ABCA13: variants seen among roughly 807,000 people sequenced by gnomAD.
ABCA13 encodes the protein ATP binding cassette subfamily A member 13, also known as ATP-binding cassette sub-family A member 13.
In ABCA13, 476 loss-of-function variants were observed where a neutral mutation model predicts 478.7. That is an observed-to-expected ratio of 0.99 (90% confidence interval 0.92 to 1.07). ABCA13 has a LOEUF of 1.07. ABCA13 is among the 50% of genes least tolerant of loss of function. The probability of loss-of-function intolerance (pLI) is 0.00; values close to 1 mark genes in which losing one functional copy is unlikely to be tolerated. For synonymous variants in ABCA13, 2,252 were observed against 2,158.9 expected, an observed-to-expected ratio of 1.04 and a Z score of -1.20; for missense variants, 6,060 against 5,910.6, an observed-to-expected ratio of 1.03 and a Z score of -0.83.
intron 32 of ABCA13, among the ~76,000 whole-genome samples, chr7:48,370,788 C>T (rs1812512210): frequency 6.6e-6 from 1 of 151,942 alleles, no homozygotes; most frequent in Non-Finnish European, 1.5e-5. Context: ...TTTGAAAGAG[C>T]ACAAATAGAC....
chr7:48,348,552 G>A (rs550199384), intron 29 of ABCA13, among the ~76,000 whole-genome samples: 3 of 152,256 alleles, frequency 2.0e-5, no homozygotes, highest in East Asian at 3.9e-4. Flanking sequence ...TCAGTTTGAC[G>A]GTCTTAACTT....
chr7:48,372,515 TAAAAAA>T lies in ABCA13; in HGVS notation c.11133+31_11133+36del. Reference sequence around the variant, plus strand: ...CATTTCTGGTAAGTAAGTTGTTTTGTAAAAAAAAAAAAAAAAAACAACAAAATTGCA... The same window carrying T: ...CATTTCTGGTAAGTAAGTTGTTTTGTAAAAAAAAAAAACAACAAAATTGCA... On this transcript the variant is annotated intron_variant, in intron 33 of 61. Coordinates refer to ENST00000435803, the MANE Select transcript of ABCA13 (RefSeq NM_152701.5). 19 of 1,193,866 alleles carry T rather than the reference TAAAAAA, an allele frequency of 1.6e-5. No homozygotes were observed. Among genetic ancestry groups the T allele is most frequent in the Non-Finnish European group, 1.9e-5 (17 of 896,376 alleles). The allele number at this position is 1,193,866 out of a possible 1,614,324, so 74.0% of individuals were successfully genotyped here. A position where few individuals can be genotyped will look rare whatever the true frequency, so the allele number is the denominator to read the frequency against.
chr7:48,466,869 A>T, intron 43 of ABCA13, 87 bp from the exon 44 acceptor site: 2 of 1,271,186 alleles, frequency 1.6e-6, no homozygotes, highest in Non-Finnish European at 2.3e-6. Flanking sequence ...CTAGGGCACA[A>T]TGTGAGGTCA....
At chr7:48,629,044 G>A (rs1485023909) in intron 59 of ABCA13, among the ~76,000 whole-genome samples, 1 of 152,186 alleles carries the variant, frequency 6.6e-6, no homozygotes, top group Non-Finnish European at 1.5e-5. Flanking sequence ...AAAACAGTCT[G>A]CATTATTCAT....
chr7:48,580,310 C>G lies in ABCA13; in HGVS notation c.14441C>G (p.Thr4814Ser). 1 of 1,613,056 alleles carries G rather than the reference C, an allele frequency of 6.2e-7. No individual in the cohort carries two copies. The highest frequency in any genetic ancestry group is 8.5e-7 in the Non-Finnish European group (1 of 1,179,538). ...CAGGATGCCCTGGACGAGCTTCTGA[C>G]TGGTTGGGAACATCTCTATTATTAC... ...PQQDALDELL[T>S]GWEHLYYYCS... Residue 4814 changes from threonine (T) to serine (S), a missense_variant, in exon 56 of 62, where the codon ACT (threonine) becomes AGT (serine). Coordinates refer to ENST00000435803, the MANE Select transcript of ABCA13 (RefSeq NM_152701.5).
At chr7:48,270,643 A>T (rs1421953835) in intron 16 of ABCA13, among the ~76,000 whole-genome samples, 1 of 152,206 alleles carries the variant, frequency 6.6e-6, no homozygotes. Context: ...TGTCCTAAAA[A>T]TAACAACTAA....
At chr7:48,524,661 T>G (rs780006494) in intron 54 of ABCA13, among the ~76,000 whole-genome samples, 38 of 152,218 alleles carry the variant, frequency 2.5e-4, no homozygotes, top group Non-Finnish European at 4.4e-4. Flanking sequence ...TTTTGTTTTA[T>G]AATGTTAAAA....
intron 55 of ABCA13, among the ~76,000 whole-genome samples, chr7:48,561,971 A>G (rs961286008): frequency 2.6e-5 from 4 of 152,076 alleles, no homozygotes; most frequent in African/African-American, 9.7e-5. Flanking sequence ...AGCTTTCTGA[A>G]TAAGTGTAGA....
At chr7:48,497,900 G>A (rs1830416871) in intron 48 of ABCA13, among the ~76,000 whole-genome samples, 1 of 152,218 alleles carries the variant, frequency 6.6e-6, no homozygotes, top group Non-Finnish European at 1.5e-5. Flanking sequence ...TCTGTGCCCT[G>A]CTGCCACTGG....
At chr7:48,233,836 C>T (rs7802973) in intron 7 of ABCA13, among the ~76,000 whole-genome samples, 182 bp from the exon 8 acceptor site, 47,640 of 152,100 alleles carry the variant, frequency 0.31, 8,084 homozygotes, top group Middle Eastern at 0.43. Context: ...GGACACTTCA[C>T]CATTCTCTCT....
At chr7:48,475,492 G>T in intron 45 of ABCA13, among the ~76,000 whole-genome samples, 1 of 125,088 alleles carries the variant, frequency 8.0e-6, no homozygotes. Context: ...TTGAGACAGA[G>T]TCTCGCTCTG....
rs761351186 is a variant in ABCA13 at position 48,372,326 on chromosome 7, C to T, written c.10962C>T (p.Leu3654=). 3 of 1,613,860 alleles carry T rather than the reference C, an allele frequency of 1.9e-6. No individual in the cohort carries two copies. The Admixed American group carries it at 5.0e-5, about 27-fold the overall frequency. The part of the protein sequence containing the change: ...HSNTFIVFLF[L]LDFGMSVVML... ...ATACCTTTATTGTTTTCCTCTTTCTCTTGGATTTTGGGATGTCAGTCGTCA... is the reference window on the plus strand; with the variant it reads ...ATACCTTTATTGTTTTCCTCTTTCTTTTGGATTTTGGGATGTCAGTCGTCA... The change falls in exon 33 of 62, where the codon CTC becomes CTT. Residue 3654 remains leucine, a synonymous_variant. Transcript: ENST00000435803.
chr7:48,486,229 A>G (rs1352776242), intron 47 of ABCA13, among the ~76,000 whole-genome samples: 2 of 152,170 alleles, frequency 1.3e-5, no homozygotes, highest in African/African-American at 4.8e-5. Flanking sequence ...TGTCTCCCTG[A>G]GAGAGTCTCT....
intron 42 of ABCA13, among the ~76,000 whole-genome samples, chr7:48,436,008 C>T (rs1459481949): frequency 6.7e-6 from 1 of 148,580 alleles, no homozygotes; most frequent in Non-Finnish European, 1.5e-5. Flanking sequence ...GGCTTCATAA[C>T]TCATTCTGTG....
intron 55 of ABCA13, among the ~76,000 whole-genome samples, chr7:48,540,306 A>G (rs1230445550): frequency 1.3e-5 from 2 of 152,150 alleles, no homozygotes; most frequent in African/African-American, 2.4e-5. Context: ...TTGTAATTCT[A>G]TTTCATCATT....
At chr7:48,211,310 A>T (rs560060009) in intron 3 of ABCA13, among the ~76,000 whole-genome samples, 65 of 152,220 alleles carry the variant, frequency 4.3e-4, no homozygotes, top group Non-Finnish European at 7.9e-4. Flanking sequence ...GCCTGTGGTC[A>T]CTGCAGCTGT....
intron 7 of ABCA13, among the ~76,000 whole-genome samples, chr7:48,233,618 C>T (rs1789505695): frequency 6.6e-6 from 1 of 152,210 alleles, no homozygotes; most frequent in African/African-American, 2.4e-5. Context: ...ATACTAGACA[C>T]TTAACTGGTT....
At chr7:48,329,559 G>GTCCA (rs1360902527) in intron 27 of ABCA13, among the ~76,000 whole-genome samples, 23 of 151,896 alleles carry the variant, frequency 1.5e-4, no homozygotes, top group East Asian at 1.4e-3. Context: ...CCTCCCATCC[G>GTCCA]TCCATCCATC....
At chr7:48,508,595 A>G (rs1831415059) in intron 50 of ABCA13, among the ~76,000 whole-genome samples, 1 of 152,176 alleles carries the variant, frequency 6.6e-6, no homozygotes. Context: ...TTAAGTAAAA[A>G]AAAGCATCTT....
Sources: allele counts gnomAD v4.1 joint callset (sites outside exome capture counted in the v4.1 genomes callset), GRCh38; gene constraint gnomAD v4.1.1; transcripts MANE v1.5; gene names NCBI Gene and HGNC (gene_info 2026-07-23, HGNC 2026-07-21).